The following HHAT variants were observed in gnomAD, a reference collection of about 807,000 sequenced individuals.
The protein encoded by HHAT is hedgehog acyltransferase, also known as protein-cysteine N-palmitoyltransferase HHAT.
In HHAT, 47 loss-of-function variants were observed where a neutral mutation model predicts 70.8. That is an observed-to-expected ratio of 0.66 (90% CI 0.53 to 0.85). The LOEUF (loss-of-function observed/expected upper bound fraction) is 0.85. Ranked by LOEUF, HHAT falls within the 40% of genes least tolerant of loss-of-function variation. The probability of loss-of-function intolerance (pLI) is 0.00; values close to 1 mark genes in which losing one functional copy is unlikely to be tolerated. For missense variants in HHAT, 609 were observed against 604.8 expected, an observed-to-expected ratio of 1.01 and a Z score of -0.07; for synonymous variants, 228 against 247.6, an observed-to-expected ratio of 0.92 and a Z score of 0.74.
At chr1:210,453,627 C>G (rs2093800734) in intron 7 of HHAT, among the ~76,000 whole-genome samples, 1 of 152,090 alleles carries the variant, frequency 6.6e-6, no homozygotes, top group Non-Finnish European at 1.5e-5. Flanking sequence ...GGTGTACGGA[C>G]AACTTCTTAG....
chr1:210,479,827 C>A (rs1210238108), intron 8 of HHAT, among the ~76,000 whole-genome samples: 1 of 152,170 alleles, frequency 6.6e-6, no homozygotes, highest in Non-Finnish European at 1.5e-5. Context: ...TATTTTAATT[C>A]ATTTAAAAAG....
At chr1:210,601,165 T>C (rs1409684382) in intron 10 of HHAT, among the ~76,000 whole-genome samples, 1 of 152,144 alleles carries the variant, frequency 6.6e-6, no homozygotes, top group East Asian at 1.9e-4. Flanking sequence ...TAGTTTGATT[T>C]TGAAGATAGA....
intron 1 of HHAT, among the ~76,000 whole-genome samples, chr1:210,347,103 T>G (rs1312946876): frequency 6.6e-6 from 1 of 152,250 alleles, no homozygotes; most frequent in African/African-American, 2.4e-5. Context: ...ATCACCATGC[T>G]GTATAATAGA....
intron 10 of HHAT, among the ~76,000 whole-genome samples, chr1:210,598,080 C>T (rs1663412220): frequency 6.6e-6 from 1 of 151,918 alleles, no homozygotes; most frequent in South Asian, 2.1e-4. Flanking sequence ...CCCTTCAAAG[C>T]AGTGGGTTCC....
intron 3 of HHAT, among the ~76,000 whole-genome samples, chr1:210,376,867 C>T (rs1192051035): frequency 6.6e-6 from 1 of 152,176 alleles, no homozygotes; most frequent in Non-Finnish European, 1.5e-5. Flanking sequence ...TTCTTCTTCC[C>T]CTAGATAGAT....
intron 7 of HHAT, among the ~76,000 whole-genome samples, chr1:210,420,993 A>G (rs1448419342): frequency 1.3e-5 from 2 of 152,142 alleles, no homozygotes; most frequent in Non-Finnish European, 2.9e-5. Context: ...AATTTGGCGA[A>G]ACCAATTTAT....
chr1:210,514,818 A>T (rs1289890008), intron 9 of HHAT, among the ~76,000 whole-genome samples: 1 of 152,250 alleles, frequency 6.6e-6, no homozygotes, highest in Non-Finnish European at 1.5e-5. Flanking sequence ...TGTCACTTGC[A>T]AAAACAGACA....
intron 4 of HHAT, among the ~76,000 whole-genome samples, chr1:210,399,771 A>G (rs1558437664): frequency 6.6e-6 from 1 of 152,206 alleles, no homozygotes; most frequent in Non-Finnish European, 1.5e-5. Context: ...TACTTATTCA[A>G]TGTGATAACT....
intron 8 of HHAT, among the ~76,000 whole-genome samples, chr1:210,475,924 A>G (rs1371008756): frequency 1.3e-5 from 2 of 152,224 alleles, no homozygotes; most frequent in East Asian, 3.8e-4. Context: ...ATTGTTAAGT[A>G]AGGATTTAGA....
chr1:210,643,066 T>G (rs2148916299), intron 11 of HHAT, among the ~76,000 whole-genome samples: 1 of 152,340 alleles, frequency 6.6e-6, no homozygotes, highest in African/African-American at 2.4e-5. Context: ...TCTGTTTGGA[T>G]ATTTAATTGA....
intron 1 of HHAT, among the ~76,000 whole-genome samples, chr1:210,339,301 C>A (rs1203111830): frequency 6.6e-6 from 1 of 152,108 alleles, no homozygotes; most frequent in African/African-American, 2.4e-5. Context: ...TGAAAGGTAG[C>A]TTTTCAACTA....
intron 9 of HHAT, among the ~76,000 whole-genome samples, chr1:210,523,937 C>A (rs962213152): frequency 6.6e-6 from 1 of 152,202 alleles, no homozygotes; most frequent in African/African-American, 2.4e-5. Flanking sequence ...AACAAGTAAG[C>A]AGTGTGTGAT....
At chr1:210,331,708 C>T (rs541790235) in intron 1 of HHAT, among the ~76,000 whole-genome samples, 21 of 152,312 alleles carry the variant, frequency 1.4e-4, no homozygotes, top group Non-Finnish European at 2.8e-4. Context: ...ATGTTTGAAA[C>T]GTGTCAGAAA....
intron 1 of HHAT, among the ~76,000 whole-genome samples, chr1:210,336,310 T>TTTTTTTTTTA (rs2085492279): frequency 1.5e-5 from 2 of 134,402 alleles, no homozygotes; most frequent in South Asian, 5.0e-4. Flanking sequence ...TTTTTTTTTT[T>TTTTTTTTTTA]AGAGACAGGG....
In HHAT at chr1:210,501,941, A is replaced by C. The variant is rs114223382; in HGVS notation, c.1008-11212A>C. On this transcript the variant is annotated intron_variant, in intron 8 of 11. Coordinates refer to ENST00000261458, the MANE Select transcript of HHAT (RefSeq NM_018194.6). Reference sequence around the variant, plus strand: ...CTTATTGGATGCCTTAATTTTGTTAATATGTGGGAACCCTCATCCTTAGTC... The same window carrying C: ...CTTATTGGATGCCTTAATTTTGTTACTATGTGGGAACCCTCATCCTTAGTC... 7.0e-3 allele frequency among the ~76,000 whole-genome samples: 1,064 copies of C among 151,710 alleles called. 14 individuals are homozygous for C. The highest frequency in any genetic ancestry group is 0.024 in the African/African-American group (982 of 41,344).
chr1:210,413,348 GCTGA>G (rs1330389065), intron 6 of HHAT, among the ~76,000 whole-genome samples: 10 of 152,178 alleles, frequency 6.6e-5, no homozygotes, highest in African/African-American at 2.4e-4. Flanking sequence ...TGTTTAAACA[GCTGA>G]CTAACCTTAT....
At chr1:210,412,447 T>C (rs945572077) in intron 6 of HHAT, among the ~76,000 whole-genome samples, 1 of 152,164 alleles carries the variant, frequency 6.6e-6, no homozygotes, top group Non-Finnish European at 1.5e-5. Flanking sequence ...CTTATGCAAA[T>C]TCCCCTTCAG....
intron 9 of HHAT, among the ~76,000 whole-genome samples, chr1:210,584,657 T>G (rs1295713641): frequency 6.6e-6 from 1 of 152,176 alleles, no homozygotes; most frequent in East Asian, 1.9e-4. Flanking sequence ...CAACCTTCTC[T>G]TTGCCTAGCA....
chr1:210,545,950 C>T (rs1291673744), intron 9 of HHAT, among the ~76,000 whole-genome samples: 1 of 152,214 alleles, frequency 6.6e-6, no homozygotes, highest in Non-Finnish European at 1.5e-5. Context: ...CTTAGCACAA[C>T]ACCTGGCACT....
Sources: gnomAD v4.1 joint callset for allele counts (sites outside exome capture counted in the v4.1 genomes callset) on GRCh38, gnomAD v4.1.1 for gene constraint, MANE v1.5 for transcripts, NCBI Gene and HGNC (gene_info 2026-07-23, HGNC 2026-07-21) for gene names.